Variants in KREMEN1 observed in about 807,000 individuals in gnomAD.
The protein encoded by KREMEN1 is kremen protein 1.
A neutral mutation model predicts 46.5 loss-of-function variants in KREMEN1; 30 were observed. That is an observed-to-expected ratio of 0.65 (90% CI 0.48 to 0.88). The LOEUF (loss-of-function observed/expected upper bound fraction) is 0.88, where lower values mean the gene tolerates loss of function less well. Among genes scored for constraint, KREMEN1 ranks in the 40% least tolerant of loss-of-function variants. KREMEN1 has a pLI of 0.00. For missense variants in KREMEN1, 533 were observed against 596.9 expected (o/e 0.89, Z 1.11); for synonymous variants, 214 against 230.6 (o/e 0.93, Z 0.65).
Position 29,137,353 on chromosome 22 carries a change from G to A in KREMEN1, c.643G>A (p.Ala215Thr), listed in dbSNP as rs369566037. 29 of 1,476,114 alleles carry A rather than the reference G, an allele frequency of 2.0e-5. No homozygotes were observed. Among genetic ancestry groups the A allele is most frequent in the South Asian group, 1.3e-4 (9 of 67,712 alleles). The allele number at this position is 1,476,114 out of a possible 1,614,324, so 91.4% of individuals were successfully genotyped here. ...RIILFDTLVG[A>T]CGGNYSAMSS... is the part of the protein sequence containing the mutation. ...TTTCTCTCCTACAGCTCTCGTGGGC[G>A]CCTGCGGTGGGAACTACTCAGCCAT... Residue 215 changes from alanine (A) to threonine (T), a missense_variant, in exon 6 of 9, where the codon GCC becomes ACC. Coordinates refer to ENST00000400335, the MANE Select transcript of KREMEN1 (RefSeq NM_001039570.3).
chr22:29,167,242 C>T (rs745738136), exon 10 of KREMEN1: 9 of 733,794 alleles, frequency 1.2e-5, no homozygotes, highest in Non-Finnish European at 2.1e-5. Flanking sequence ...GCCTGTAATA[C>T]CAGCGTTTTG....
chr22:29,119,239 A>C (rs1394062903), intron 3 of KREMEN1, among the ~76,000 whole-genome samples: 2 of 152,156 alleles, frequency 1.3e-5, no homozygotes, highest in Non-Finnish European at 2.9e-5. Context: ...AGATGAAGAG[A>C]TATATAGGGT....
At chr22:29,082,826 G>C (rs773797308) in intron 1 of KREMEN1, among the ~76,000 whole-genome samples, 14 of 152,174 alleles carry the variant, frequency 9.2e-5, no homozygotes, top group Non-Finnish European at 1.8e-4. Flanking sequence ...CCTTCAAATA[G>C]TTCGCCTTTT....
chr22:29,151,528 G>A (rs1373599472), downstream of KREMEN1, among the ~76,000 whole-genome samples: 1 of 152,168 alleles, frequency 6.6e-6, no homozygotes. Context: ...GCAACTCCAT[G>A]AGGAGTCGGG....
Position 29,125,212 on chromosome 22 carries a change from A to G in KREMEN1, c.478-51A>G, listed in dbSNP as rs570049024. The G allele has an allele frequency of 1.5e-4, 232 of 1,597,942 alleles. 1 individual carries two copies. The South Asian group carries it at 2.4e-3, about 16-fold the overall frequency. On this transcript the variant is annotated intron_variant, in intron 4 of 8. Transcript: ENST00000400335. ...CCACCCTGCCAGGCTCCTTCAGGCCATCTGACATCCCTGATGATGCTTACC... is the reference window on the plus strand; with the variant it reads ...CCACCCTGCCAGGCTCCTTCAGGCCGTCTGACATCCCTGATGATGCTTACC...
chr22:29,130,159 G>A (rs2038510863), intron 5 of KREMEN1, among the ~76,000 whole-genome samples: 3 of 152,210 alleles, frequency 2.0e-5, no homozygotes, highest in Non-Finnish European at 4.4e-5. Context: ...TGTGAAGCAG[G>A]TACTGTTATG....
intron 3 of KREMEN1, among the ~76,000 whole-genome samples, chr22:29,113,617 C>T (rs752627379): frequency 5.9e-5 from 9 of 152,100 alleles, no homozygotes; most frequent in Non-Finnish European, 8.8e-5. Flanking sequence ...ATTCTCATTC[C>T]GCTGTTGATG....
Position 29,073,499 on chromosome 22 carries a change from C to T in KREMEN1, c.97+272C>T, listed in dbSNP as rs2037509621. ...GACGCCCCTCAGCCCAGGAGGCCCT[C>T]TCCGCCTTGAGTCTTCCAAGACCCT... is the stretch of plus-strand genomic sequence containing the variant. On this transcript the variant is annotated intron_variant, in intron 1 of 8. Transcript: ENST00000400335. This position sits in a 1 kb window ranked among gnomAD's most constrained non-coding sequence, Gnocchi z 4.4. Among the ~76,000 whole-genome samples, 1 of 152,010 alleles carries T rather than the reference C, an allele frequency of 6.6e-6. No homozygotes were observed. The highest frequency in any genetic ancestry group is 2.4e-5 in the African/African-American group (1 of 41,402).
intron 1 of KREMEN1, among the ~76,000 whole-genome samples, chr22:29,080,977 C>G (rs1317218624): frequency 8.1e-6 from 1 of 124,086 alleles, no homozygotes; most frequent in East Asian, 2.4e-4. Flanking sequence ...TCAAGCTTTC[C>G]TGTTACCAGC....
At chr22:29,085,465 GA>G (rs201247308) in intron 1 of KREMEN1, among the ~76,000 whole-genome samples, 8 of 149,998 alleles carry the variant, frequency 5.3e-5, no homozygotes, top group African/African-American at 9.8e-5. Flanking sequence ...ATTACACGTA[GA>G]AAAAAAAACA....
chr22:29,166,225 C>CT (rs60849888), intron 9 of KREMEN1, among the ~76,000 whole-genome samples: 388 of 144,380 alleles, frequency 2.7e-3, no homozygotes, highest in Middle Eastern at 3.5e-3. Context: ...CCAGATGGCT[C>CT]TTTTTTTTTT....
In KREMEN1 at chr22:29,144,725, G is replaced by A; in HGVS notation, c.*2613G>A. ...CAGGAAGAGTTCACCCGGCCAGGGG[G>A]CAGTTGTTCAGTTGCCTGGGGCTGA... On this transcript the variant is annotated 3_prime_UTR_variant, in exon 9 of 9. Transcript: ENST00000400335. 2.0e-6 allele frequency: 2 copies of A among 985,532 alleles called. No individual in the cohort carries two copies. Among genetic ancestry groups the A allele is most frequent in the South Asian group, 4.7e-5 (1 of 21,296 alleles). 61.0% of individuals were successfully genotyped at this position (985,532 alleles called of 1,614,324 possible).
intron 8 of KREMEN1, among the ~76,000 whole-genome samples, chr22:29,141,265 GTGTGTGTGTGTGTCTGTGTC>G (rs1479389817): frequency 2.0e-5 from 3 of 150,144 alleles, no homozygotes; most frequent in South Asian, 2.1e-4. Flanking sequence ...ATGTGCATGT[GTGTGTGTGTGTGTCTGTGTC>G]TGTGTGTGTG....
At chr22:29,131,568 G>A (rs1333315601) in intron 5 of KREMEN1, among the ~76,000 whole-genome samples, 46 of 113,690 alleles carry the variant, frequency 4.0e-4, no homozygotes, top group African/African-American at 1.7e-3. Context: ...ATATGTGTGT[G>A]TGTGTGTGTG....
At chr22:29,122,017 A>G (rs2038365040) in intron 4 of KREMEN1, among the ~76,000 whole-genome samples, 1 of 152,244 alleles carries the variant, frequency 6.6e-6, no homozygotes, top group Non-Finnish European at 1.5e-5. Context: ...AGAGTTAAGA[A>G]TATGAAAGGC....
intron 1 of KREMEN1, among the ~76,000 whole-genome samples, chr22:29,075,088 A>G (rs2037545795): frequency 6.6e-6 from 1 of 152,190 alleles, no homozygotes; most frequent in African/African-American, 2.4e-5. Context: ...CCTGAGGCTC[A>G]GTAAGTGGTT....
chr22:29,078,930 T>A (rs1321250746), intron 1 of KREMEN1, among the ~76,000 whole-genome samples: 1 of 152,224 alleles, frequency 6.6e-6, no homozygotes, highest in African/African-American at 2.4e-5. Flanking sequence ...TGACATTCCT[T>A]CTATATTCAG....
chr22:29,109,142 T>C (rs1244706411), intron 3 of KREMEN1, among the ~76,000 whole-genome samples: 1 of 152,160 alleles, frequency 6.6e-6, no homozygotes, highest in Non-Finnish European at 1.5e-5. Context: ...TTTTTGGTTT[T>C]TGCCAGTGGG....
chr22:29,139,445 T>TA (rs940567470), intron 7 of KREMEN1, among the ~76,000 whole-genome samples: 2 of 151,110 alleles, frequency 1.3e-5, no homozygotes, highest in African/African-American at 4.9e-5. Context: ...CTACAAAAAA[T>TA]AAAAAAAATT....
Sources: gnomAD v4.1 joint callset for allele counts (sites outside exome capture counted in the v4.1 genomes callset) on GRCh38, gnomAD v4.1.1 for gene constraint, Gnocchi (gnomAD v3.1) non-coding constraint, MANE v1.5 for transcripts, NCBI Gene and HGNC (gene_info 2026-07-23, HGNC 2026-07-21) for gene names.